HSF5: variants seen among roughly 807,000 people sequenced by gnomAD.
The protein encoded by HSF5 is heat shock factor protein 5.
A neutral mutation model predicts 50.8 loss-of-function variants in HSF5; 5 were observed. The observed-to-expected ratio is 0.10, with a 90% CI of 0.05 to 0.21. The LOEUF is 0.21. Ranked by LOEUF, HSF5 falls within the 10% of genes least tolerant of loss-of-function variation. The pLI, the probability that HSF5 is intolerant of heterozygous loss-of-function variation, is 1.00. For missense variants in HSF5, 564 were observed against 762.6 expected, an observed-to-expected ratio of 0.74 and a Z score of 3.07; for synonymous variants, 307 against 307.4, an observed-to-expected ratio of 1.00 and a Z score of 0.02.
chr17:58,466,764 C>G lies in HSF5; in HGVS notation c.1020+121G>C, dbSNP rs1974873142. On this transcript the variant is annotated intron_variant, in intron 3 of 5. Transcript: ENST00000323777. ...TTTTTTAAGAATTGAGAAAACAAAG[C>G]CCATTAATCCACAGCTTACTTCTGG... 4.6e-6 allele frequency: 3 copies of G among 654,958 alleles called. No homozygotes were observed. In the African/African-American group the frequency reaches 5.5e-5, roughly 12 times the overall value. The allele number at this position is 654,958 out of a possible 1,614,324, so 40.6% of individuals were successfully genotyped here. A position where few individuals can be genotyped will look rare whatever the true frequency, so the allele number is the denominator to read the frequency against.
intron 4 of HSF5, among the ~76,000 whole-genome samples, chr17:58,459,540 G>A (rs562402504): frequency 1.7e-4 from 26 of 151,690 alleles, no homozygotes; most frequent in East Asian, 3.9e-4. Context: ...CCAGCTATTC[G>A]GGAGGCTGAG....
intron 2 of HSF5, among the ~76,000 whole-genome samples, chr17:58,469,709 T>A (rs768797825): frequency 6.6e-6 from 1 of 152,248 alleles, no homozygotes; most frequent in Non-Finnish European, 1.5e-5. Context: ...TTTATCACTA[T>A]GTCCTAAGAT....
chr17:58,433,902 G>A (rs535568027), intron 5 of HSF5, among the ~76,000 whole-genome samples: 1 of 127,394 alleles, frequency 7.8e-6, no homozygotes, highest in East Asian at 2.3e-4. Context: ...TGAAGGAAAG[G>A]TCAAAGGGAT....
At chr17:58,451,515 T>C (rs973570209) in intron 5 of HSF5, among the ~76,000 whole-genome samples, 8 of 152,056 alleles carry the variant, frequency 5.3e-5, no homozygotes, top group African/African-American at 1.2e-4. Flanking sequence ...GCAATAAAAC[T>C]AGAAATCAAT....
intron 5 of HSF5, among the ~76,000 whole-genome samples, chr17:58,438,006 G>A (rs898623368): frequency 4.6e-5 from 7 of 151,902 alleles, no homozygotes; most frequent in South Asian, 2.1e-4. Context: ...AGGGCTATAC[G>A]AATTTACATT....
chr17:58,454,022 A>T (rs1974675108), intron 5 of HSF5, among the ~76,000 whole-genome samples: 1 of 151,996 alleles, frequency 6.6e-6, no homozygotes. Context: ...TGAACCTGGG[A>T]GGCAGAGGTT....
chr17:58,454,042 C>T (rs1466288737), intron 5 of HSF5, among the ~76,000 whole-genome samples: 1 of 151,908 alleles, frequency 6.6e-6, no homozygotes, highest in Non-Finnish European at 1.5e-5. Flanking sequence ...TGCAGTGAGC[C>T]GAGATTGCGC....
At chr17:58,447,050 G>T (rs1441060833) in intron 5 of HSF5, among the ~76,000 whole-genome samples, 1 of 152,126 alleles carries the variant, frequency 6.6e-6, no homozygotes, top group Non-Finnish European at 1.5e-5. Flanking sequence ...GCTTGAACCT[G>T]GGAGACAGAG....
chr17:58,477,036 G>C, intron 2 of HSF5: 1 of 540,564 alleles, frequency 1.8e-6, no homozygotes, highest in Non-Finnish European at 3.3e-6. Context: ...ACGCGCGGGC[G>C]CTTGCTGGGT....
chr17:58,466,356 T>G (rs535207594), intron 3 of HSF5, among the ~76,000 whole-genome samples: 1 of 152,332 alleles, frequency 6.6e-6, no homozygotes, highest in East Asian at 1.9e-4. Context: ...ATTTGGTGAC[T>G]TACACACTTG....
intron 4 of HSF5, among the ~76,000 whole-genome samples, chr17:58,462,069 T>G (rs555631106): frequency 6.6e-6 from 1 of 152,196 alleles, no homozygotes; most frequent in African/African-American, 2.4e-5. Context: ...GTGTCTATTA[T>G]TCCACATTGT....
intron 5 of HSF5, among the ~76,000 whole-genome samples, chr17:58,449,955 G>A (rs1461645241): frequency 7.0e-6 from 1 of 143,224 alleles, no homozygotes; most frequent in Admixed American, 6.9e-5. Context: ...CCCGGGAGAC[G>A]GAGCTTGCAG....
rs372147916 is a variant in HSF5, at chr17:58,487,955, G to C, written c.320C>G (p.Pro107Arg). ...GTGCGGGTTGTGGAAGTGATGGAGC[G>C]GCCCATTGCCTGCCGGTTTGCCGCC... Reference protein sequence around the residue: ...PGGGKPAGNGPLHHFHNPHFR... With the variant: ...PGGGKPAGNGRLHHFHNPHFR... Residue 107 changes from proline to arginine, a missense_variant, in exon 1 of 6, where the codon CCG becomes CGG. Around this residue, in one of 5 missense-constraint regions of HSF5, gnomAD observed 29 missense variants for 24.7 expected, o/e 1.18. Coordinates refer to ENST00000323777, the MANE Select transcript of HSF5 (RefSeq NM_001080439.3). The C allele has an allele frequency of 6.2e-7, 1 of 1,611,458 alleles. No individual in the cohort carries two copies. The highest frequency in any genetic ancestry group is 1.1e-5 in the South Asian group (1 of 90,876).
At chr17:58,454,231 A>T (rs1160343529) in intron 5 of HSF5, among the ~76,000 whole-genome samples, 1 of 152,022 alleles carries the variant, frequency 6.6e-6, no homozygotes, top group African/African-American at 2.4e-5. Flanking sequence ...CAAAAACAAA[A>T]ACAAAACAAA....
In HSF5 at chr17:58,488,340, C is replaced by T; in HGVS notation, c.-66G>A. On this transcript the variant is annotated 5_prime_UTR_variant, in exon 1 of 6. Coordinates refer to ENST00000323777, the MANE Select transcript of HSF5 (RefSeq NM_001080439.3). The surrounding 1 kb of genome is among the most constrained non-coding windows in gnomAD (Gnocchi z 4.1). ...TCCCACACCGTTCTCGATCCCTCCC[C>T]GGCCTTCGCCTCGCCCTGCCCGCTC... is the stretch of plus-strand genomic sequence containing the variant. 2 of 1,371,754 alleles carry T rather than the reference C, an allele frequency of 1.5e-6. No homozygotes were observed. Among genetic ancestry groups the T allele is most frequent in the Non-Finnish European group, 1.9e-6 (2 of 1,070,694 alleles). The allele number at this position is 1,371,754 out of a possible 1,614,324, so 85.0% of individuals were successfully genotyped here. A position where few individuals can be genotyped will look rare whatever the true frequency, so the allele number is the denominator to read the frequency against.
At chr17:58,446,651 T>C (rs1167960639) in intron 5 of HSF5, among the ~76,000 whole-genome samples, 1 of 152,068 alleles carries the variant, frequency 6.6e-6, no homozygotes, top group Non-Finnish European at 1.5e-5. Flanking sequence ...CCTGAATAAA[T>C]TTCCGTGGCA....
chr17:58,484,013 G>A (rs1975134337), intron 1 of HSF5, among the ~76,000 whole-genome samples: 1 of 152,082 alleles, frequency 6.6e-6, no homozygotes, highest in Non-Finnish European at 1.5e-5. Context: ...CTTAGAACAT[G>A]GAATGAGAAC....
At chr17:58,462,568 A>G (rs1490493606) in intron 4 of HSF5, among the ~76,000 whole-genome samples, 9 of 152,158 alleles carry the variant, frequency 5.9e-5, no homozygotes, top group African/African-American at 1.9e-4. Flanking sequence ...TTGACTTCAG[A>G]CCATGCATAA....
At chr17:58,476,231 C>T in intron 2 of HSF5, 1 of 909,924 alleles carries the variant, frequency 1.1e-6, no homozygotes, top group East Asian at 2.6e-5. Context: ...TCTAATCCTT[C>T]CTTCTCTTCA....
Sources: gnomAD v4.1 joint callset for allele counts (sites outside exome capture counted in the v4.1 genomes callset) on GRCh38, gnomAD v4.1.1 for gene constraint, gnomAD v4.1.1 regional missense constraint, Gnocchi (gnomAD v3.1) non-coding constraint, MANE v1.5 for transcripts, NCBI Gene and HGNC (gene_info 2026-07-23, HGNC 2026-07-21) for gene names.